The following CRADD variants were observed in gnomAD, a reference collection of about 807,000 sequenced individuals.
CRADD encodes death domain-containing protein CRADD.
In CRADD, 9 loss-of-function variants were observed where a neutral mutation model predicts 15.5. That is an observed-to-expected ratio of 0.58 (90% confidence interval 0.35 to 1.01). CRADD has a LOEUF of 1.01. Ranked by LOEUF, CRADD falls within the 50% of genes least tolerant of loss-of-function variation. CRADD has a pLI of 0.02. For missense variants in CRADD, 227 were observed against 250.3 expected (o/e 0.91, Z 0.63); for synonymous variants, 118 against 107.6 (o/e 1.10, Z -0.60).
intron 2 of CRADD, among the ~76,000 whole-genome samples, chr12:93,862,358 G>A (rs1357392896): frequency 1.3e-5 from 2 of 152,178 alleles, no homozygotes; most frequent in Non-Finnish European, 2.9e-5. Flanking sequence ...AGTAATCAAA[G>A]CGACATGACA....
downstream of CRADD, among the ~76,000 whole-genome samples, chr12:93,854,087 G>C (rs1958251029): frequency 6.6e-6 from 1 of 152,182 alleles, no homozygotes; most frequent in East Asian, 1.9e-4. Context: ...CTACCCCCAA[G>C]ATGTAATGGC....
rs202053805 is a variant in CRADD at position 93,788,623 on chromosome 12, G to A, written c.299-61347G>A. ...GGAATGTTCTTGATTTTAAAGGGAG[G>A]GTGTGAGGTAGTTGTTGTCTAGTTG... On this transcript the variant is annotated intron_variant, in intron 2 of 2. Coordinates refer to ENST00000332896, the MANE Select transcript of CRADD (RefSeq NM_003805.5). Among the ~76,000 whole-genome samples the A allele has an allele frequency of 1.3e-4, 20 of 152,194 alleles. No homozygotes were observed. In the East Asian group the frequency reaches 1.9e-3, roughly 15 times the overall value.
At chr12:93,851,736 A>T (rs180884036), downstream of CRADD, among the ~76,000 whole-genome samples, 635 of 152,308 alleles carry the variant, frequency 4.2e-3, 14 homozygotes, top group Non-Finnish European at 2.7e-3. Context: ...CCAGTCTGTG[A>T]TCTATCCTTC....
intron 2 of CRADD, among the ~76,000 whole-genome samples, chr12:93,775,612 G>T (rs1565909181): frequency 6.6e-6 from 1 of 152,172 alleles, no homozygotes; most frequent in Non-Finnish European, 1.5e-5. Flanking sequence ...TTAGTAAGTG[G>T]CAGAGCTTGG....
chr12:93,682,259 T>C (rs1464620197), intron 2 of CRADD, among the ~76,000 whole-genome samples: 1 of 152,242 alleles, frequency 6.6e-6, no homozygotes, highest in Non-Finnish European at 1.5e-5. Flanking sequence ...TCCACTTAAA[T>C]TTTTGTAAAG....
intron 2 of CRADD, among the ~76,000 whole-genome samples, chr12:93,717,853 G>A (rs1044181913): frequency 6.6e-6 from 1 of 152,122 alleles, no homozygotes; most frequent in Non-Finnish European, 1.5e-5. Flanking sequence ...TTTATGAAGG[G>A]TCTAACATCT....
chr12:93,808,158 C>T (rs1266390246), intron 2 of CRADD, among the ~76,000 whole-genome samples: 1 of 151,744 alleles, frequency 6.6e-6, no homozygotes, highest in East Asian at 1.9e-4. Context: ...GAAGGGAGAG[C>T]TCAGGCTTTC....
chr12:93,859,886 C>T (rs574308539), intron 2 of CRADD, among the ~76,000 whole-genome samples: 353 of 98,660 alleles, frequency 3.6e-3, no homozygotes, highest in African/African-American at 0.014. Context: ...ACCACCCCGA[C>T]CAGCTAATTT....
At chr12:93,870,135 C>A (rs1285474062) in intron 2 of CRADD, among the ~76,000 whole-genome samples, 2 of 152,120 alleles carry the variant, frequency 1.3e-5, no homozygotes, top group African/African-American at 4.8e-5. Context: ...GGGAGCAGGA[C>A]TTCCCAGGCC....
chr12:93,874,356 G>C (rs1318215220), intron 2 of CRADD, among the ~76,000 whole-genome samples: 3 of 151,548 alleles, frequency 2.0e-5, no homozygotes, highest in Non-Finnish European at 4.4e-5. Context: ...CTAAAGTTTT[G>C]TCAATTTTGT....
At chr12:93,859,039 T>C (rs572063536) in intron 2 of CRADD, among the ~76,000 whole-genome samples, 1 of 152,362 alleles carries the variant, frequency 6.6e-6, no homozygotes, top group Non-Finnish European at 1.5e-5. Flanking sequence ...ACCTGTCATG[T>C]AAAACTATGA....
chr12:93,832,968 C>A (rs1261291095), intron 2 of CRADD, among the ~76,000 whole-genome samples: 2 of 152,220 alleles, frequency 1.3e-5, no homozygotes, highest in Non-Finnish European at 2.9e-5. Flanking sequence ...CTGCTTTTAA[C>A]TTCAAAAGGT....
intron 2 of CRADD, among the ~76,000 whole-genome samples, chr12:93,754,903 G>T (rs1316664734): frequency 6.6e-6 from 1 of 151,474 alleles, no homozygotes; most frequent in Non-Finnish European, 1.5e-5. Context: ...CCCAGTACCA[G>T]TTTACTGTAT....
At chr12:93,694,220 A>G (rs1955643874) in intron 2 of CRADD, among the ~76,000 whole-genome samples, 1 of 152,168 alleles carries the variant, frequency 6.6e-6, no homozygotes, top group African/African-American at 2.4e-5. Flanking sequence ...GACAAAAACT[A>G]TATGATCATC....
At chr12:93,875,990 T>G (rs1230933918) in intron 2 of CRADD, among the ~76,000 whole-genome samples, 1 of 152,174 alleles carries the variant, frequency 6.6e-6, no homozygotes, top group Non-Finnish European at 1.5e-5. Flanking sequence ...ATAGGACAGG[T>G]CTGGTGTTGA....
intron 2 of CRADD, among the ~76,000 whole-genome samples, chr12:93,842,434 C>T (rs1387299500): frequency 6.6e-6 from 1 of 152,028 alleles, no homozygotes; most frequent in East Asian, 1.9e-4. Flanking sequence ...GGGAACTTGA[C>T]TTGGAGGGCT....
intron 2 of CRADD, among the ~76,000 whole-genome samples, chr12:93,737,512 G>C (rs578048500): frequency 6.6e-6 from 1 of 152,316 alleles, no homozygotes; most frequent in South Asian, 2.1e-4. Flanking sequence ...TTATTTTCAA[G>C]TCACCCAACT....
chr12:93,833,490 T>C (rs1292983836), intron 2 of CRADD, among the ~76,000 whole-genome samples: 1 of 152,054 alleles, frequency 6.6e-6, no homozygotes, highest in Non-Finnish European at 1.5e-5. Flanking sequence ...AGGCATGCAC[T>C]ACCATGCCTG....
intron 2 of CRADD, among the ~76,000 whole-genome samples, chr12:93,713,893 C>A (rs1013148961): frequency 6.6e-6 from 1 of 152,046 alleles, no homozygotes; most frequent in East Asian, 1.9e-4. Context: ...GGCTACTAGA[C>A]AATTTAAAAT....
Sources: allele counts gnomAD v4.1 joint callset (sites outside exome capture counted in the v4.1 genomes callset), GRCh38; gene constraint gnomAD v4.1.1; transcripts MANE v1.5; gene names NCBI Gene and HGNC (gene_info 2026-07-23, HGNC 2026-07-21).